MMP16: variants seen among roughly 807,000 people sequenced by gnomAD.
MMP16 encodes the protein matrix metallopeptidase 16, also known as matrix metalloproteinase-16.
MMP16 carries 12 observed loss-of-function variants against 67.8 expected under a neutral mutation model. The observed-to-expected ratio is 0.18, with a 90% CI of 0.11 to 0.29. MMP16 has a LOEUF of 0.29. Among genes scored for constraint, MMP16 ranks in the 10% least tolerant of loss-of-function variants. MMP16 has a pLI of 1.00. For synonymous variants in MMP16, 249 were observed against 255.9 expected, an observed-to-expected ratio of 0.97 and a Z score of 0.26; for missense variants, 475 against 765.7, an observed-to-expected ratio of 0.62 and a Z score of 4.48.
Position 88,327,463 on chromosome 8 carries a change from G to C in MMP16, c.-257C>G. On this transcript the variant is annotated 5_prime_UTR_variant, in exon 1 of 10. Coordinates refer to ENST00000286614, the MANE Select transcript of MMP16 (RefSeq NM_005941.5). ...CAGTCACCGGGAACGTGGCGCCTAA[G>C]TTCACCGGCGGTTCCGGCTCAAAGA... is the stretch of plus-strand genomic sequence containing the variant. The C allele has an allele frequency of 2.1e-6, 1 of 470,054 alleles. No individual in the cohort carries two copies. Among genetic ancestry groups the C allele is most frequent in the Non-Finnish European group, 3.9e-6 (1 of 255,770 alleles). The allele number at this position is 470,054 out of a possible 1,614,324, so 29.1% of individuals were successfully genotyped here.
chr8:88,100,459 T>C (rs1190029043), intron 6 of MMP16, among the ~76,000 whole-genome samples: 2 of 152,040 alleles, frequency 1.3e-5, no homozygotes, highest in Admixed American at 1.3e-4. Flanking sequence ...ATGGCGATCA[T>C]TAAAAAGTCA....
chr8:88,125,483 AG>A, intron 4 of MMP16, among the ~76,000 whole-genome samples: 1 of 152,092 alleles, frequency 6.6e-6, no homozygotes, highest in South Asian at 2.1e-4. Flanking sequence ...AAACATTTAT[AG>A]TATTTAATTA....
intron 6 of MMP16, among the ~76,000 whole-genome samples, chr8:88,089,233 T>C (rs1466816034): frequency 6.6e-6 from 1 of 152,064 alleles, no homozygotes; most frequent in African/African-American, 2.4e-5. Context: ...TGAAGTTGAC[T>C]GGGCTTTCAT....
intron 1 of MMP16, among the ~76,000 whole-genome samples, chr8:88,223,201 A>T (rs926439060): frequency 2.0e-5 from 3 of 152,124 alleles, no homozygotes; most frequent in Non-Finnish European, 4.4e-5. Context: ...CAACAGGTGC[A>T]GGAGAGGATG....
chr8:88,200,428 A>G (rs1586201791), intron 1 of MMP16, among the ~76,000 whole-genome samples: 2 of 151,982 alleles, frequency 1.3e-5, no homozygotes, highest in East Asian at 3.8e-4. Flanking sequence ...CCAACCTCAA[A>G]TGAAGCAATA....
intron 3 of MMP16, among the ~76,000 whole-genome samples, chr8:88,170,707 A>G (rs1339807866): frequency 6.6e-6 from 1 of 152,176 alleles, no homozygotes; most frequent in Non-Finnish European, 1.5e-5. Flanking sequence ...ACAGGAGTTC[A>G]ATGGCAGAAG....
chr8:88,266,079 G>A (rs1810472678), intron 1 of MMP16, among the ~76,000 whole-genome samples: 1 of 152,312 alleles, frequency 6.6e-6, no homozygotes, highest in East Asian at 1.9e-4. Flanking sequence ...CTGTGTAGGA[G>A]AATTCCAAAC....
intron 1 of MMP16, among the ~76,000 whole-genome samples, chr8:88,219,816 T>C (rs998965526): frequency 2.6e-5 from 4 of 152,146 alleles, no homozygotes; most frequent in African/African-American, 9.7e-5. Context: ...TTTTCGTGTA[T>C]TGAATCCGAA....
At chr8:88,083,422 A>G (rs2118316543) in intron 6 of MMP16, among the ~76,000 whole-genome samples, 1 of 152,226 alleles carries the variant, frequency 6.6e-6, no homozygotes, top group South Asian at 2.1e-4. Flanking sequence ...ACAAAGCAAG[A>G]AATTACTCAA....
chr8:88,062,918 G>A (rs975918440), intron 7 of MMP16, among the ~76,000 whole-genome samples: 1 of 151,990 alleles, frequency 6.6e-6, no homozygotes, highest in Non-Finnish European at 1.5e-5. Context: ...CATATGACAG[G>A]TGGTTTTTTA....
At chr8:88,252,646 C>CAAAAAAAAAAA (rs10715771) in intron 1 of MMP16, among the ~76,000 whole-genome samples, 1 of 128,112 alleles carries the variant, frequency 7.8e-6, no homozygotes, top group Non-Finnish European at 1.7e-5. Context: ...CACCTCTTAG[C>CAAAAAAAAAAA]AAAAAAAAAA....
intron 2 of MMP16, among the ~76,000 whole-genome samples, chr8:88,189,906 A>C (rs912361351): frequency 6.6e-6 from 1 of 152,210 alleles, no homozygotes; most frequent in Admixed American, 6.5e-5. Flanking sequence ...AGAGCCAAGC[A>C]TGAGGTCAGT....
At chr8:88,104,271 A>G (rs1809197178) in intron 6 of MMP16, among the ~76,000 whole-genome samples, 1 of 151,780 alleles carries the variant, frequency 6.6e-6, no homozygotes, top group South Asian at 2.1e-4. Context: ...AAAATTCATG[A>G]CATAAAATCT....
intron 1 of MMP16, among the ~76,000 whole-genome samples, chr8:88,269,969 G>GT (rs1173356055): frequency 6.6e-6 from 1 of 152,062 alleles, no homozygotes; most frequent in Non-Finnish European, 1.5e-5. Flanking sequence ...TTTACCTTTT[G>GT]TTTCTTTTAT....
intron 8 of MMP16, among the ~76,000 whole-genome samples, chr8:88,047,632 A>C (rs562213369): frequency 6.6e-6 from 1 of 152,306 alleles, no homozygotes; most frequent in African/African-American, 2.4e-5. Context: ...CTGTGTCTAC[A>C]AGGAGGCTGG....
At chr8:88,246,194 T>G (rs1425792552) in intron 1 of MMP16, among the ~76,000 whole-genome samples, 1 of 152,164 alleles carries the variant, frequency 6.6e-6, no homozygotes, top group African/African-American at 2.4e-5. Context: ...CACACTAAAG[T>G]AAACAGAACA....
intron 1 of MMP16, among the ~76,000 whole-genome samples, chr8:88,285,210 G>T (rs1810808650): frequency 6.6e-6 from 1 of 152,018 alleles, no homozygotes; most frequent in Non-Finnish European, 1.5e-5. Flanking sequence ...CATGATCTTG[G>T]CTCACTGCAA....
At chr8:88,145,751 T>C (rs983027399) in intron 4 of MMP16, among the ~76,000 whole-genome samples, 1 of 152,034 alleles carries the variant, frequency 6.6e-6, no homozygotes, top group African/African-American at 2.4e-5. Flanking sequence ...ATGTTATTAC[T>C]ACTATTCACT....
At chr8:88,253,883 A>C (rs1810263384) in intron 1 of MMP16, among the ~76,000 whole-genome samples, 1 of 151,846 alleles carries the variant, frequency 6.6e-6, no homozygotes, top group South Asian at 2.1e-4. Context: ...ACTGTTGCCC[A>C]GGTTGGTCTG....
Sources: gnomAD v4.1 joint callset for allele counts (sites outside exome capture counted in the v4.1 genomes callset) on GRCh38, gnomAD v4.1.1 for gene constraint, MANE v1.5 for transcripts, NCBI Gene and HGNC (gene_info 2026-07-23, HGNC 2026-07-21) for gene names.